The following SUGP1 variants were observed in gnomAD, a reference collection of about 807,000 sequenced individuals.
SUGP1 encodes SURP and G-patch domain containing 1, also known as SURP and G-patch domain-containing protein 1.
SUGP1 carries 34 observed loss-of-function variants against 76.5 expected under a neutral mutation model. The observed-to-expected ratio is 0.44, with a 90% CI of 0.34 to 0.59. The LOEUF is 0.59. Ranked by LOEUF, SUGP1 falls within the 20% of genes least tolerant of loss-of-function variation. The probability of loss-of-function intolerance (pLI) is 0.01; values close to 1 mark genes in which losing one functional copy is unlikely to be tolerated. For missense variants in SUGP1, 752 were observed against 851.7 expected, an observed-to-expected ratio of 0.88 and a Z score of 1.46; for synonymous variants, 326 against 326.2, an observed-to-expected ratio of 1.00 and a Z score of 0.01.
At chr19:19,296,452 C>T (rs1437832070) in intron 8 of SUGP1, among the ~76,000 whole-genome samples, 1 of 152,062 alleles carries the variant, frequency 6.6e-6, no homozygotes, top group African/African-American at 2.4e-5. Context: ...AGAGACCATC[C>T]TGGCTAACAC....
At chr19:19,277,256 G>A (rs1042583257) in intron 12 of SUGP1, among the ~76,000 whole-genome samples, 180 bp from the exon 13 acceptor site, 2 of 150,600 alleles carry the variant, frequency 1.3e-5, no homozygotes, top group East Asian at 2.0e-4. Context: ...GCGGGCGGGG[G>A]GGGGGGGCCT....
intron 3 of SUGP1, among the ~76,000 whole-genome samples, chr19:19,307,335 C>T (rs1344566935): frequency 1.3e-5 from 2 of 151,990 alleles, no homozygotes; most frequent in African/African-American, 2.4e-5. Context: ...CAGACATGAG[C>T]CACCATGCCT....
chr19:19,289,621 G>A (rs1211143392), intron 8 of SUGP1, among the ~76,000 whole-genome samples: 7 of 152,018 alleles, frequency 4.6e-5, no homozygotes, highest in Admixed American at 1.3e-4. Context: ...GGTTGCAGGC[G>A]CCTGTAGTCC....
chr19:19,276,894 C>G, intron 13 of SUGP1, 53 bp downstream of exon 13: 1 of 1,604,696 alleles, frequency 6.2e-7, no homozygotes, highest in Non-Finnish European at 8.5e-7. Flanking sequence ...TCTGTTCCTA[C>G]CACCACCCTC....
chr19:19,289,200 T>C (rs142623596), intron 8 of SUGP1, among the ~76,000 whole-genome samples: 2 of 152,328 alleles, frequency 1.3e-5, no homozygotes, highest in Admixed American at 1.3e-4. Context: ...ACAGTAAGTA[T>C]TTATGTATCT....
At chr19:19,300,806 C>G (rs1202728036) in intron 7 of SUGP1, among the ~76,000 whole-genome samples, 1 of 152,166 alleles carries the variant, frequency 6.6e-6, no homozygotes, top group African/African-American at 2.4e-5. Context: ...GGGCGCCTGT[C>G]AGCAACACCC....
At position 19,279,351 on chromosome 19, in the gene SUGP1, C is replaced by G; in HGVS notation, c.1390G>C (p.Ala464Pro). The G allele has an allele frequency of 6.2e-7, 1 of 1,609,846 alleles. No individual in the cohort carries two copies. The highest frequency in any genetic ancestry group is 8.5e-7 in the Non-Finnish European group (1 of 1,179,654). The change falls in exon 10 of 14, where the codon GCC becomes CCC. Residue 464 changes from alanine to proline, a missense_variant. Physicochemically the swap from Ala to Pro is conservative, Grantham distance 27. Around this residue, in one of 2 missense-constraint regions of SUGP1, gnomAD observed 620 missense variants for 617.3 expected, o/e 1.00. Coordinates refer to ENST00000247001, the MANE Select transcript of SUGP1 (RefSeq NM_172231.4). ...CACAGCAGCTGCATGTCCTGCATGG[C>G]CCGCTTGTGCTGCATGATCATGTCG... ...MYDMIMQHKR[A>P]MQDMQLLWEK... is the part of the protein sequence containing the mutation.
chr19:19,304,605 G>A (rs2061301483), intron 4 of SUGP1, among the ~76,000 whole-genome samples: 2 of 152,220 alleles, frequency 1.3e-5, no homozygotes, highest in African/African-American at 2.4e-5. Flanking sequence ...TCCCCACTGA[G>A]CCATGTGGAA....
rs1057524594 is a variant in SUGP1, at chr19:19,280,253, G to C, written c.1282C>G (p.Pro428Ala). 4.3e-6 allele frequency: 7 copies of C among 1,613,876 alleles called. No individual in the cohort carries two copies. Among genetic ancestry groups the C allele is most frequent in the East Asian group, 2.2e-5 (1 of 44,902 alleles). Residue 428 changes from proline (P) to alanine (A), a missense_variant, in exon 9 of 14, where the codon CCT becomes GCT. This residue lies in a region of SUGP1 where 620 missense variants were observed against 617.3 expected (regional missense o/e 1.00). Coordinates refer to ENST00000247001, the MANE Select transcript of SUGP1 (RefSeq NM_172231.4). ...LKGLGYEKGK[P>A]VGLVGVTELS... ...TCTGTGACGCCCACTAGACCCACAG[G>C]CTTCCCCTTCTCATAGCCGAGCCCC...
chr19:19,302,298 G>T lies in SUGP1; in HGVS notation c.854C>A (p.Ala285Asp). ...ADGGPEVETI[A>D]LQNNRENQAF... Reference sequence around the variant, plus strand: ...CTGGTTCTCACGGTTGTTCTGGAGGGCAATGGTTTCCACCTCGGGACCCCC... The same window carrying T: ...CTGGTTCTCACGGTTGTTCTGGAGGTCAATGGTTTCCACCTCGGGACCCCC... The change falls in exon 7 of 14, where the codon GCC (alanine) becomes GAC (aspartate). Residue 285 changes from alanine to aspartate, a missense_variant. This residue lies in a region of SUGP1 where 620 missense variants were observed against 617.3 expected (regional missense o/e 1.00). Transcript: ENST00000247001. The T allele has an allele frequency of 6.2e-7, 1 of 1,614,184 alleles. No individual in the cohort carries two copies. The highest frequency in any genetic ancestry group is 8.5e-7 in the Non-Finnish European group (1 of 1,180,018).
chr19:19,308,206 A>T (rs1364969490), intron 3 of SUGP1, among the ~76,000 whole-genome samples: 1 of 149,904 alleles, frequency 6.7e-6, no homozygotes, highest in African/African-American at 2.5e-5. Context: ...AATTATTTGT[A>T]TTTTTTTTGT....
intron 7 of SUGP1, among the ~76,000 whole-genome samples, chr19:19,297,949 A>G (rs2061241642): frequency 6.6e-6 from 1 of 152,168 alleles, no homozygotes; most frequent in African/African-American, 2.4e-5. Context: ...TTCCGCACCT[A>G]CTGGCGCCTC....
At chr19:19,292,963 G>C (rs910518802) in intron 8 of SUGP1, among the ~76,000 whole-genome samples, 3 of 151,950 alleles carry the variant, frequency 2.0e-5, no homozygotes, top group African/African-American at 7.2e-5. Flanking sequence ...CTGGAGTGCA[G>C]TTGCTCAATC....
intron 8 of SUGP1, among the ~76,000 whole-genome samples, chr19:19,290,472 C>T (rs560671110): frequency 6.6e-6 from 1 of 152,122 alleles, no homozygotes; most frequent in South Asian, 2.1e-4. Context: ...GGCAAAACCC[C>T]GTCTCTACTA....
In SUGP1 at chr19:19,305,618, T is replaced by C. The variant is rs190328156; in HGVS notation, c.538+231A>G. ...TGTGTGAGTGGAAGATGGATCCCGC[T>C]GCTCCCAAGATGAAGCCCACGCGCT... is the stretch of plus-strand genomic sequence containing the variant. On this transcript the variant is annotated intron_variant, in intron 4 of 13. Transcript: ENST00000247001. The C allele has an allele frequency of 6.1e-4, 279 of 454,420 alleles. 1 individual carries two copies. The highest frequency in any genetic ancestry group is 4.2e-3 in the Admixed American group (109 of 25,688). The allele number at this position is 454,420 out of a possible 1,614,324, so 28.1% of individuals were successfully genotyped here. A position where few individuals can be genotyped will look rare whatever the true frequency, so the allele number is the denominator to read the frequency against.
chr19:19,287,995 AC>A (rs1792003968), intron 8 of SUGP1, among the ~76,000 whole-genome samples: 1 of 151,880 alleles, frequency 6.6e-6, no homozygotes, highest in African/African-American at 2.4e-5. Context: ...GATGAAGATG[AC>A]CTTTGTGATG....
chr19:19,278,705 G>A lies in SUGP1; in HGVS notation c.1620C>T (p.Thr540=). 1.2e-6 allele frequency: 2 copies of A among 1,613,350 alleles called. No individual in the cohort carries two copies. The highest frequency in any genetic ancestry group is 1.7e-6 in the Non-Finnish European group (2 of 1,179,672). ...PPDELEKFME[T]FKALKEGREP... is the part of the protein sequence containing the mutation. ...CCTGGCTCACCTTCAGGGCCTTGAAGGTCTCCATAAACTTTTCCAGCTCGT... is the reference window on the plus strand; with the variant it reads ...CCTGGCTCACCTTCAGGGCCTTGAAAGTCTCCATAAACTTTTCCAGCTCGT... Residue 540 remains threonine, a synonymous_variant, in exon 11 of 14, where the codon ACC becomes ACT. Transcript: ENST00000247001.
intron 13 of SUGP1, 111 bp downstream of exon 13, chr19:19,276,836 C>G (rs1408695177): frequency 1.3e-6 from 2 of 1,555,050 alleles, no homozygotes; most frequent in Non-Finnish European, 1.7e-6. Flanking sequence ...TGGTAGGGGG[C>G]TCGCTGGTGA....
chr19:19,284,536 T>C (rs527451762), intron 8 of SUGP1, among the ~76,000 whole-genome samples: 15 of 152,212 alleles, frequency 9.9e-5, no homozygotes, highest in Admixed American at 1.3e-4. Context: ...AACCTTGCAC[T>C]TTCTGTGAAG....
Sources: gnomAD v4.1 joint callset for allele counts (sites outside exome capture counted in the v4.1 genomes callset) on GRCh38, gnomAD v4.1.1 for gene constraint, gnomAD v4.1.1 regional missense constraint, MANE v1.5 for transcripts, NCBI Gene and HGNC (gene_info 2026-07-23, HGNC 2026-07-21) for gene names.